RASAL2: variants seen among roughly 807,000 people sequenced by gnomAD.
The protein encoded by RASAL2 is RAS protein activator like 2.
Under a neutral mutation model 128.9 loss-of-function variants are expected in RASAL2, and 58 were observed. The observed-to-expected ratio is 0.45, with a 90% CI of 0.36 to 0.56. The LOEUF is 0.56. Ranked by LOEUF, RASAL2 falls within the 20% of genes least tolerant of loss-of-function variation. The pLI, the probability that RASAL2 is intolerant of heterozygous loss-of-function variation, is 0.00. For synonymous variants in RASAL2, 561 were observed against 580.8 expected, an observed-to-expected ratio of 0.97 and a Z score of 0.49; for missense variants, 1,360 against 1,601.6, an observed-to-expected ratio of 0.85 and a Z score of 2.57.
intron 3 of RASAL2, among the ~76,000 whole-genome samples, chr1:178,369,843 T>C (rs1186218428): frequency 1.3e-5 from 2 of 152,186 alleles, no homozygotes; most frequent in Non-Finnish European, 2.9e-5. Context: ...GAAATTTTGT[T>C]TTCTAAAGGT....
intron 1 of RASAL2, among the ~76,000 whole-genome samples, chr1:178,150,180 A>G (rs1247576645): frequency 6.6e-6 from 1 of 152,068 alleles, no homozygotes; most frequent in Non-Finnish European, 1.5e-5. Context: ...ATTACAGTAT[A>G]TTGGGCTTAA....
chr1:178,328,909 C>A (rs961189600), intron 3 of RASAL2, among the ~76,000 whole-genome samples: 1 of 152,220 alleles, frequency 6.6e-6, no homozygotes, highest in African/African-American at 2.4e-5. Context: ...GACCTTGTCT[C>A]TCTTCTCTTC....
At chr1:178,217,963 A>G (rs1424339324) in intron 1 of RASAL2, among the ~76,000 whole-genome samples, 2 of 152,204 alleles carry the variant, frequency 1.3e-5, no homozygotes, top group Non-Finnish European at 2.9e-5. Context: ...TGCTATATCA[A>G]CTAAGTTTAT....
At chr1:178,442,344 C>T (rs1230627022) in intron 7 of RASAL2, among the ~76,000 whole-genome samples, 4 of 152,062 alleles carry the variant, frequency 2.6e-5, no homozygotes, top group Non-Finnish European at 4.4e-5. Flanking sequence ...GACTAGAATA[C>T]GAGCTTCTTA....
chr1:178,332,414 A>G (rs1669367643), intron 3 of RASAL2, among the ~76,000 whole-genome samples: 1 of 151,812 alleles, frequency 6.6e-6, no homozygotes, highest in Non-Finnish European at 1.5e-5. Flanking sequence ...CTGAGGCAGG[A>G]CAATCGCTTG....
chr1:178,145,554 CAAAAAA>C (rs10645696), intron 1 of RASAL2, among the ~76,000 whole-genome samples: 6 of 123,922 alleles, frequency 4.8e-5, no homozygotes, highest in African/African-American at 1.9e-4. Context: ...GTGACTTTGA[CAAAAAA>C]AAAAAAAAAA....
At position 178,457,727 on chromosome 1, in the gene RASAL2, GC is replaced by G; in HGVS notation, c.2436del (p.Tyr813ThrfsTer18). 6.2e-7 allele frequency: 1 copy of G among 1,614,136 alleles called. No homozygotes were observed. The highest frequency in any genetic ancestry group is 8.5e-7 in the Non-Finnish European group (1 of 1,180,008). The part of the protein sequence containing the change: ...LKSPSQDNTD[S>X]YFRGKTLLLV... Reference sequence around the variant, plus strand: ...TCTCCAAGCCAGGACAACACAGACAGCTACTTCAGAGGGAAAACATTATTGC... The same window carrying G: ...TCTCCAAGCCAGGACAACACAGACAGTACTTCAGAGGGAAAACATTATTGC... On this transcript the variant is annotated frameshift_variant, in exon 14 of 18. Transcript: ENST00000367649. LOFTEE classifies it high-confidence loss of function.
intron 3 of RASAL2, among the ~76,000 whole-genome samples, chr1:178,339,611 A>C (rs1669765279): frequency 6.6e-6 from 1 of 152,142 alleles, no homozygotes; most frequent in South Asian, 2.1e-4. Context: ...TGACCACTCA[A>C]CTCAGCACCA....
chr1:178,191,988 T>C (rs1260440306), intron 1 of RASAL2, among the ~76,000 whole-genome samples: 1 of 152,156 alleles, frequency 6.6e-6, no homozygotes, highest in Non-Finnish European at 1.5e-5. Context: ...TAACCCTTGA[T>C]AGACACCTGA....
At chr1:178,129,572 A>G (rs1440761621) in intron 1 of RASAL2, among the ~76,000 whole-genome samples, 1 of 152,094 alleles carries the variant, frequency 6.6e-6, no homozygotes, top group African/African-American at 2.4e-5. Flanking sequence ...TTTGGAGTAT[A>G]AAAGTTTAAA....
rs191801423 is a variant in RASAL2, at chr1:178,347,554, A to G, written c.458-42546A>G. ...TAATCCAGATGACCATTTAGTATAT[A>G]ACAAGGTGTGCAGCTATTGTTAGTC... On this transcript the variant is annotated intron_variant, in intron 3 of 17. Coordinates refer to ENST00000367649, the MANE Select transcript of RASAL2 (RefSeq NM_170692.4). 2.6e-4 allele frequency among the ~76,000 whole-genome samples: 39 copies of G among 152,324 alleles called. No homozygotes were observed. The East Asian group carries it at 6.2e-3, about 24-fold the overall frequency.
chr1:178,100,943 A>C (rs1658873193), intron 1 of RASAL2, among the ~76,000 whole-genome samples: 1 of 152,186 alleles, frequency 6.6e-6, no homozygotes, highest in Non-Finnish European at 1.5e-5. Context: ...AAGTGTGCTA[A>C]GGGCACTGCT....
chr1:178,236,581 G>A (rs1664251375), intron 1 of RASAL2, among the ~76,000 whole-genome samples: 1 of 152,096 alleles, frequency 6.6e-6, no homozygotes, highest in African/African-American at 2.4e-5. Context: ...GTTTTCCAAG[G>A]AAGTCTTAAA....
intron 5 of RASAL2, among the ~76,000 whole-genome samples, chr1:178,428,281 T>A (rs898118052): frequency 6.6e-6 from 1 of 152,046 alleles, no homozygotes; most frequent in African/African-American, 2.4e-5. Flanking sequence ...TTTTCCCTTC[T>A]ATGGGGTAAA....
At chr1:178,422,163 C>G (rs1001102679) in intron 5 of RASAL2, among the ~76,000 whole-genome samples, 1 of 151,848 alleles carries the variant, frequency 6.6e-6, no homozygotes, top group African/African-American at 2.4e-5. Context: ...TAACCTTGCA[C>G]TAAATGTTAC....
intron 4 of RASAL2, 112 bp downstream of exon 4, chr1:178,390,318 T>C (rs1053344980): frequency 2.8e-6 from 2 of 724,894 alleles, no homozygotes; most frequent in Non-Finnish European, 4.5e-6. Context: ...AAGAATTTCT[T>C]TATAATTCTG....
chr1:178,204,060 G>A (rs1558113104), intron 1 of RASAL2, among the ~76,000 whole-genome samples: 2 of 152,214 alleles, frequency 1.3e-5, no homozygotes, highest in Non-Finnish European at 2.9e-5. Context: ...CAACCATGTG[G>A]CCAGTTGCAG....
chr1:178,302,823 C>T (rs575624862), intron 3 of RASAL2, among the ~76,000 whole-genome samples: 16 of 152,142 alleles, frequency 1.1e-4, no homozygotes, highest in African/African-American at 2.9e-4. Flanking sequence ...GGGAAGATCA[C>T]GAGGTCAGGA....
chr1:178,138,449 TTTATCATACACACTAAGGCA>T (rs1441965148), intron 1 of RASAL2, among the ~76,000 whole-genome samples: 2 of 152,214 alleles, frequency 1.3e-5, no homozygotes, highest in Non-Finnish European at 2.9e-5. Flanking sequence ...TAGAACTGAT[TTTATCATACACACTAAGGCA>T]TCATAGACAG....
Sources: gnomAD v4.1 joint callset for allele counts (sites outside exome capture counted in the v4.1 genomes callset) on GRCh38, gnomAD v4.1.1 for gene constraint, MANE v1.5 for transcripts, NCBI Gene and HGNC (gene_info 2026-07-23, HGNC 2026-07-21) for gene names.